POU6F2: variants seen among roughly 807,000 people sequenced by gnomAD.
POU6F2 encodes the protein POU domain, class 6, transcription factor 2.
POU6F2 carries 31 observed loss-of-function variants against 71.3 expected under a neutral mutation model. The ratio of observed to expected loss-of-function variants is 0.43; its 90% CI spans 0.33 to 0.59. The LOEUF (loss-of-function observed/expected upper bound fraction) is 0.59. Ranked by LOEUF, POU6F2 falls within the 20% of genes least tolerant of loss-of-function variation. The pLI is 0.04. For synonymous variants in POU6F2, 347 were observed against 355.7 expected (o/e 0.98, Z 0.27); for missense variants, 783 against 856.8 (o/e 0.91, Z 1.07).
chr7:39,062,234 T>C (rs757677955), intron 1 of POU6F2, among the ~76,000 whole-genome samples: 1 of 151,332 alleles, frequency 6.6e-6, no homozygotes, highest in Non-Finnish European at 1.5e-5. Flanking sequence ...GTGTCAGTAC[T>C]GTTAAAAAAA....
chr7:39,089,841 G>A (rs1791326757), intron 2 of POU6F2, among the ~76,000 whole-genome samples: 1 of 152,038 alleles, frequency 6.6e-6, no homozygotes, highest in African/African-American at 2.4e-5. Flanking sequence ...TTTGAAAGAT[G>A]ATTTATTAAC....
At chr7:39,264,926 G>A (rs1213955342) in intron 4 of POU6F2, among the ~76,000 whole-genome samples, 2 of 152,020 alleles carry the variant, frequency 1.3e-5, no homozygotes, top group African/African-American at 2.4e-5. Context: ...AACTGCAAAT[G>A]TCTACACATC....
At chr7:39,266,968 G>T (rs758291174) in intron 4 of POU6F2, among the ~76,000 whole-genome samples, 1 of 152,030 alleles carries the variant, frequency 6.6e-6, no homozygotes, top group African/African-American at 2.4e-5. Context: ...TGGTAACTTT[G>T]TACCTGTTGA....
intron 4 of POU6F2, among the ~76,000 whole-genome samples, chr7:39,270,712 G>A (rs190533940): frequency 1.5e-4 from 23 of 152,138 alleles, no homozygotes; most frequent in East Asian, 1.9e-4. Context: ...CTGGAGGGTC[G>A]CGGAGTCCCC....
chr7:39,067,714 A>C (rs567866118), intron 1 of POU6F2, among the ~76,000 whole-genome samples: 1 of 152,288 alleles, frequency 6.6e-6, no homozygotes, highest in East Asian at 1.9e-4. Context: ...TTGCTTTTAT[A>C]AATCTATATA....
chr7:39,372,064 C>G (rs1164386950), intron 5 of POU6F2, among the ~76,000 whole-genome samples: 1 of 152,146 alleles, frequency 6.6e-6, no homozygotes, highest in Non-Finnish European at 1.5e-5. Flanking sequence ...GGACTATAGG[C>G]ACGCACTACC....
chr7:39,175,754 A>G (rs1793314491), intron 2 of POU6F2, among the ~76,000 whole-genome samples: 1 of 152,064 alleles, frequency 6.6e-6, no homozygotes, highest in Non-Finnish European at 1.5e-5. Context: ...CACCCTTAAC[A>G]CCCACTTCTC....
intron 1 of POU6F2, among the ~76,000 whole-genome samples, chr7:39,030,897 A>G (rs528205637): frequency 4.0e-4 from 61 of 151,376 alleles, no homozygotes; most frequent in Non-Finnish European, 5.6e-4. Flanking sequence ...TTTTTAAAAT[A>G]TTTATTTATT....
chr7:39,411,938 A>T (rs1047091424), intron 6 of POU6F2, among the ~76,000 whole-genome samples: 1 of 152,246 alleles, frequency 6.6e-6, no homozygotes, highest in African/African-American at 2.4e-5. Context: ...ACTTTCAAAC[A>T]TGGTTAAAAA....
chr7:39,051,927 G>A (rs560718784), intron 1 of POU6F2, among the ~76,000 whole-genome samples: 19 of 152,226 alleles, frequency 1.2e-4, no homozygotes, highest in Non-Finnish European at 2.4e-4. Context: ...GTTGGGAGGC[G>A]TGTAAAGTAA....
intron 2 of POU6F2, among the ~76,000 whole-genome samples, chr7:39,161,099 C>T (rs1483041218): frequency 6.6e-6 from 1 of 151,994 alleles, no homozygotes; most frequent in Non-Finnish European, 1.5e-5. Context: ...AGGGTAAGTA[C>T]CAGAGAGATT....
intron 2 of POU6F2, among the ~76,000 whole-genome samples, chr7:39,151,332 A>C (rs1792755053): frequency 6.6e-6 from 1 of 152,162 alleles, no homozygotes. Flanking sequence ...GCCTGTCCTA[A>C]AGTAGTTTTA....
chr7:39,464,345 G>A lies in POU6F2; in HGVS notation c.1822G>A (p.Glu608Lys), dbSNP rs1293238993. ...TGCCCAGAAGATCAAGCCGGTGCTTGAGCGGTGGATGGCTGAGGCTGAGGC... is the reference window on the plus strand; with the variant it reads ...TGCCCAGAAGATCAAGCCGGTGCTTAAGCGGTGGATGGCTGAGGCTGAGGC... Reference protein sequence around the residue: ...KSAQKIKPVLERWMAEAEARH... With the variant: ...KSAQKIKPVLKRWMAEAEARH... The change falls in exon 10 of 10, where the codon GAG (glutamate) becomes AAG (lysine). Residue 608 changes from glutamate (E) to lysine (K), a missense_variant. Transcript: ENST00000518318. This position sits in a 1 kb window ranked among gnomAD's most constrained non-coding sequence, Gnocchi z 4.1. 1.9e-6 allele frequency: 3 copies of A among 1,614,056 alleles called. No homozygotes were observed. Among genetic ancestry groups the A allele is most frequent in the East Asian group, 4.5e-5 (2 of 44,886 alleles).
chr7:39,298,798 A>G (rs991057543), intron 4 of POU6F2, among the ~76,000 whole-genome samples: 2 of 152,236 alleles, frequency 1.3e-5, no homozygotes, highest in Non-Finnish European at 2.9e-5. Flanking sequence ...AATGTGGTAC[A>G]TATACACCGT....
chr7:39,378,095 C>A (rs560041374), intron 5 of POU6F2, among the ~76,000 whole-genome samples: 58 of 152,270 alleles, frequency 3.8e-4, no homozygotes, highest in African/African-American at 1.3e-3. Flanking sequence ...TCTCTTGACC[C>A]AGGTTTTGAT....
intron 5 of POU6F2, among the ~76,000 whole-genome samples, chr7:39,349,497 C>T (rs148676237): frequency 1.6e-4 from 25 of 152,262 alleles, no homozygotes; most frequent in African/African-American, 6.0e-4. Context: ...GCACCCTCCT[C>T]ATCTTTTGAC....
At chr7:39,209,438 C>T (rs1485738410) in intron 4 of POU6F2, among the ~76,000 whole-genome samples, 1 of 152,178 alleles carries the variant, frequency 6.6e-6, no homozygotes, top group South Asian at 2.1e-4. Flanking sequence ...ACATTTCCCC[C>T]TTTGTCTTCC....
intron 1 of POU6F2, among the ~76,000 whole-genome samples, chr7:39,060,670 G>C (rs955887807): frequency 6.6e-6 from 1 of 152,194 alleles, no homozygotes; most frequent in East Asian, 1.9e-4. Context: ...GACGCAGAAA[G>C]TAGAAAGTTG....
intron 4 of POU6F2, among the ~76,000 whole-genome samples, chr7:39,231,911 G>A (rs1481233444): frequency 2.0e-5 from 3 of 152,252 alleles, no homozygotes; most frequent in Middle Eastern, 6.8e-3. Context: ...TAAATAAGCT[G>A]GAATTTGAAT....
Sources: gnomAD v4.1 joint callset for allele counts (sites outside exome capture counted in the v4.1 genomes callset) on GRCh38, gnomAD v4.1.1 for gene constraint, Gnocchi (gnomAD v3.1) non-coding constraint, MANE v1.5 for transcripts, NCBI Gene and HGNC (gene_info 2026-07-23, HGNC 2026-07-21) for gene names.